DOP1B: variants seen among roughly 807,000 people sequenced by gnomAD.
DOP1B encodes the protein protein DOP1B.
Under a neutral mutation model 233.5 loss-of-function variants are expected in DOP1B, and 174 were observed. That is an observed-to-expected ratio of 0.75 (90% CI 0.66 to 0.85). DOP1B has a LOEUF of 0.85. Among genes scored for constraint, DOP1B ranks in the 40% least tolerant of loss-of-function variants. The pLI is 0.00. For missense variants in DOP1B, 2,652 were observed against 2,846.6 expected, an observed-to-expected ratio of 0.93 and a Z score of 1.56; for synonymous variants, 1,190 against 1,185.6, an observed-to-expected ratio of 1.00 and a Z score of -0.08.
At chr21:36,280,369 A>G (rs889884577) in intron 31 of DOP1B, 23 bp downstream of exon 31, 15 of 1,549,502 alleles carry the variant, frequency 9.7e-6, no homozygotes, top group South Asian at 2.3e-5. Context: ...TTACTTTTGC[A>G]TAACTCACAC....
chr21:36,254,856 A>C (rs1418555488), intron 23 of DOP1B, among the ~76,000 whole-genome samples: 1 of 151,996 alleles, frequency 6.6e-6, no homozygotes, highest in African/African-American at 2.4e-5. Context: ...GGGTGGACAG[A>C]ATCATTTGTC....
At position 36,280,831 on chromosome 21, in the gene DOP1B, G is replaced by A. The variant is rs573363865; in HGVS notation, c.6031+485G>A. Among the ~76,000 whole-genome samples, 8 of 151,936 alleles carry A rather than the reference G, an allele frequency of 5.3e-5. No individual in the cohort carries two copies. The South Asian group carries it at 1.5e-3, about 28-fold the overall frequency. On this transcript the variant is annotated intron_variant, in intron 31 of 36. Coordinates refer to ENST00000691173, the MANE Select transcript of DOP1B (RefSeq NM_001320714.2). ...ATCCTGGCTAACACGGTGAAACCCCGTCTCTACTAAAAATACAAAAAATAG... is the reference window on the plus strand; with the variant it reads ...ATCCTGGCTAACACGGTGAAACCCCATCTCTACTAAAAATACAAAAAATAG...
chr21:36,200,526 G>C, intron 4 of DOP1B, 25 bp downstream of exon 4: 2 of 1,584,794 alleles, frequency 1.3e-6, no homozygotes, highest in Non-Finnish European at 1.7e-6. Flanking sequence ...TGTCCAGGCT[G>C]TGTTTACTCC....
chr21:36,289,507 C>T (rs79718383), intron 35 of DOP1B, among the ~76,000 whole-genome samples: 143 of 150,332 alleles, frequency 9.5e-4, no homozygotes, highest in Non-Finnish European at 1.7e-3. Context: ...TAAAACAGGG[C>T]TTACCCACTG....
rs1164683189 is a variant in DOP1B at position 36,263,826 on chromosome 21, A to T, written c.5487+12A>T. 1 of 1,613,924 alleles carries T rather than the reference A, an allele frequency of 6.2e-7. No homozygotes were observed. Among genetic ancestry groups the T allele is most frequent in the East Asian group, 2.2e-5 (1 of 44,886 alleles). ...AAAAAGACCTGCAGGTTTGTATATG[A>T]AAGAGGTTCAGCCAAATGATATTAC... is the stretch of plus-strand genomic sequence containing the variant. On this transcript the variant is annotated intron_variant, in intron 26 of 36. Transcript: ENST00000691173.
intron 9 of DOP1B, among the ~76,000 whole-genome samples, chr21:36,218,760 C>T (rs566559785): frequency 1.6e-4 from 24 of 152,142 alleles, no homozygotes; most frequent in Non-Finnish European, 3.1e-4. Context: ...TTGCGGTTTG[C>T]GGAGCAGCAA....
intron 10 of DOP1B, among the ~76,000 whole-genome samples, chr21:36,222,677 TA>T (rs1555891436): frequency 6.6e-6 from 1 of 152,174 alleles, no homozygotes; most frequent in Non-Finnish European, 1.5e-5. Flanking sequence ...GAGTATGGAC[TA>T]AAACTGATTT....
chr21:36,282,597 G>A (rs1332696284), intron 32 of DOP1B, among the ~76,000 whole-genome samples: 2 of 152,164 alleles, frequency 1.3e-5, no homozygotes, highest in Non-Finnish European at 2.9e-5. Context: ...TGAGGCCAGG[G>A]AAGGGGCAAG....
At chr21:36,217,886 T>C (rs375949833) in intron 9 of DOP1B, among the ~76,000 whole-genome samples, 2 of 152,340 alleles carry the variant, frequency 1.3e-5, no homozygotes, top group East Asian at 1.9e-4. Context: ...ATTCTGGAGA[T>C]GTGTGTTTTA....
chr21:36,277,074 G>C lies in DOP1B; in HGVS notation c.5686G>C (p.Val1896Leu), dbSNP rs150843337. 103 of 1,614,062 alleles carry C rather than the reference G, an allele frequency of 6.4e-5. No individual in the cohort carries two copies. Among genetic ancestry groups the C allele is most frequent in the East Asian group, 4.7e-4 (21 of 44,868 alleles). The change falls in exon 28 of 37, where the codon GTG (valine) becomes CTG (leucine). Residue 1896 changes from valine to leucine, a missense_variant. By Grantham distance (32) the Val-to-Leu change is conservative. Transcript: ENST00000691173. ...TTCATCCGCCCCGTCGGTGTACAGCGTGCAAGCCCTCTCTCTCCTGGCAGA... is the reference window on the plus strand; with the variant it reads ...TTCATCCGCCCCGTCGGTGTACAGCCTGCAAGCCCTCTCTCTCCTGGCAGA... ...VSSSAPSVYS[V>L]QALSLLAEVL...
intron 15 of DOP1B, 132 bp from the exon 16 acceptor site, chr21:36,237,130 C>A: frequency 8.0e-7 from 1 of 1,252,716 alleles, no homozygotes; most frequent in Non-Finnish European, 1.1e-6. Flanking sequence ...TGTCTCTGAG[C>A]ATGGAGGATT....
chr21:36,157,587 AT>A (rs148394810), intron 1 of DOP1B, among the ~76,000 whole-genome samples: 1 of 152,052 alleles, frequency 6.6e-6, no homozygotes, highest in Non-Finnish European at 1.5e-5. Context: ...CTTTGCTAGG[AT>A]TTTTTTGGTA....
Position 36,251,239 on chromosome 21 carries a change from G to A in DOP1B, c.5076G>A (p.Ala1692=), listed in dbSNP as rs891943612. The change falls in exon 22 of 37, where the codon GCG becomes GCA. Residue 1692 remains alanine, a synonymous_variant. Coordinates refer to ENST00000691173, the MANE Select transcript of DOP1B (RefSeq NM_001320714.2). The part of the protein sequence containing the change: ...HLGVQLTAAV[A]AVWSRKKAQR... ...GGGTTCAGTTGACAGCGGCTGTTGCGGCAGTGTGGAGCAGAAAGAAAGCCC... is the reference window on the plus strand; with the variant it reads ...GGGTTCAGTTGACAGCGGCTGTTGCAGCAGTGTGGAGCAGAAAGAAAGCCC... 18 of 1,613,676 alleles carry A rather than the reference G, an allele frequency of 1.1e-5. No individual in the cohort carries two copies. Among genetic ancestry groups the A allele is most frequent in the East Asian group, 2.2e-5 (1 of 44,874 alleles).
At chr21:36,267,225 A>G (rs566055026) in intron 26 of DOP1B, among the ~76,000 whole-genome samples, 2 of 152,318 alleles carry the variant, frequency 1.3e-5, no homozygotes, top group South Asian at 4.1e-4. Flanking sequence ...CATACTCCTG[A>G]GAGTGGATGA....
chr21:36,293,936 C>CT lies in DOP1B; in HGVS notation c.*365_*366insT. 5.0e-6 allele frequency: 1 copy of CT among 200,144 alleles called. No individual in the cohort carries two copies. The highest frequency in any genetic ancestry group is 1.0e-5 in the Non-Finnish European group (1 of 97,266). The allele number at this position is 200,144 out of a possible 1,614,324, so 12.4% of individuals were successfully genotyped here. ...GGTGGAGGCTGCAGTGAGCCGAGAT[C>CT]ACGACACTGCACTCCAGCTGTGTGA... On this transcript the variant is annotated 3_prime_UTR_variant, in exon 37 of 37. Coordinates refer to ENST00000691173, the MANE Select transcript of DOP1B (RefSeq NM_001320714.2).
intron 13 of DOP1B, 146 bp downstream of exon 13, chr21:36,228,023 T>C: frequency 2.3e-6 from 2 of 878,940 alleles, no homozygotes. Context: ...TGTAAAACCC[T>C]CACTTTAAAA....
chr21:36,206,010 CAA>C (rs34186825), intron 4 of DOP1B, among the ~76,000 whole-genome samples: 8 of 147,800 alleles, frequency 5.4e-5, no homozygotes, highest in Admixed American at 6.7e-5. Context: ...AACTCCGTCT[CAA>C]AAAAAAAAAA....
In DOP1B at chr21:36,248,534, A is replaced by G. The variant is rs962066516; in HGVS notation, c.4964A>G (p.Lys1655Arg). ...CCTGTCGATCTCCTAGGGGCCACGA[A>G]GGGATCCTCTTCCGTTTACTTTAAA... The part of the protein sequence containing the change: ...KRPVDLLGAT[K>R]GSSSVYFKTT... The change falls in exon 21 of 37, where the codon AAG becomes AGG. Residue 1655 changes from lysine to arginine, a missense_variant. Coordinates refer to ENST00000691173, the MANE Select transcript of DOP1B (RefSeq NM_001320714.2). The G allele has an allele frequency of 1.9e-6, 3 of 1,612,060 alleles. No homozygotes were observed. The African/African-American group carries it at 4.0e-5, about 22-fold the overall frequency.
At chr21:36,229,860 A>G (rs2066738296) in intron 13 of DOP1B, among the ~76,000 whole-genome samples, 1 of 151,610 alleles carries the variant, frequency 6.6e-6, no homozygotes, top group Non-Finnish European at 1.5e-5. Context: ...ATGGGGTTTC[A>G]CCATGTTGGC....
Sources: allele counts gnomAD v4.1 joint callset (sites outside exome capture counted in the v4.1 genomes callset), GRCh38; gene constraint gnomAD v4.1.1; transcripts MANE v1.5; gene names NCBI Gene and HGNC (gene_info 2026-07-23, HGNC 2026-07-21).